Variants in MYBBP1A observed in about 807,000 individuals in gnomAD.
The protein encoded by MYBBP1A is myb-binding protein 1A.
Under a neutral mutation model 136.3 loss-of-function variants are expected in MYBBP1A, and 147 were observed. That is an observed-to-expected ratio of 1.08 (90% CI 0.94 to 1.24). MYBBP1A has a LOEUF of 1.24. MYBBP1A is among the 50% of genes most tolerant of loss of function. The pLI, the probability that MYBBP1A is intolerant of heterozygous loss-of-function variation, is 0.00. For synonymous variants in MYBBP1A, 947 were observed against 735.8 expected (o/e 1.29, Z -4.65); for missense variants, 2,060 against 1,727.4 (o/e 1.19, Z -3.41).
chr17:4,548,729 A>G lies in MYBBP1A; in HGVS notation c.1431-80T>C. Reference sequence around the variant, plus strand: ...CTCCCCTCCTTGGATGGTACCACCGAGGGTACAAGGCCAGGAGGAGGAGGA... The same window carrying G: ...CTCCCCTCCTTGGATGGTACCACCGGGGGTACAAGGCCAGGAGGAGGAGGA... On this transcript the variant is annotated intron_variant, in intron 10 of 25. Coordinates refer to ENST00000254718, the MANE Select transcript of MYBBP1A (RefSeq NM_014520.4). This position sits in a 1 kb window ranked among gnomAD's most constrained non-coding sequence, Gnocchi z 4.2. The G allele has an allele frequency of 6.3e-7, 1 of 1,583,802 alleles. No individual in the cohort carries two copies. Among genetic ancestry groups the G allele is most frequent in the Non-Finnish European group, 8.6e-7 (1 of 1,162,302 alleles).
At chr17:4,541,993 C>T in intron 22 of MYBBP1A, 102 bp from the exon 23 acceptor site, 4 of 849,302 alleles carry the variant, frequency 4.7e-6, no homozygotes, top group South Asian at 3.2e-5. Context: ...CTGCTGTGGG[C>T]AGCGTGTGAG....
chr17:4,539,046 G>C lies in MYBBP1A; in HGVS notation c.*369C>G. The C allele has an allele frequency of 1.0e-6, 1 of 992,214 alleles. No individual in the cohort carries two copies. The highest frequency in any genetic ancestry group is 1.7e-5 in the Admixed American group (1 of 57,658). 61.5% of individuals were successfully genotyped at this position (992,214 alleles called of 1,614,324 possible). A position where few individuals can be genotyped will look rare whatever the true frequency, so the allele number is the denominator to read the frequency against. ...AACCTATTTAAATCACCCCCTGGTG[G>C]CTCCCTCACAGCAAAAAAGCCTGGG... is the stretch of plus-strand genomic sequence containing the variant. On this transcript the variant is annotated 3_prime_UTR_variant, in exon 26 of 26. Transcript: ENST00000254718.
rs1447242695 is a variant in MYBBP1A, at chr17:4,552,747, G to A, written c.562-121C>T. On this transcript the variant is annotated intron_variant, in intron 5 of 25. Coordinates refer to ENST00000254718, the MANE Select transcript of MYBBP1A (RefSeq NM_014520.4). The surrounding 1 kb of genome is among the most constrained non-coding windows in gnomAD (Gnocchi z 4.7). ...GTATCAGAGTCATCAGAGGCCAGTT[G>A]CTAACAAAACTCAAATTCCCAGGCA... 1.6e-5 allele frequency: 15 copies of A among 910,692 alleles called. No individual in the cohort carries two copies. In the Admixed American group the frequency reaches 2.9e-4, roughly 18 times the overall value. 56.4% of individuals were successfully genotyped at this position (910,692 alleles called of 1,614,324 possible).
chr17:4,548,112 T>G lies in MYBBP1A; in HGVS notation c.1724+31A>C. The G allele has an allele frequency of 6.2e-7, 1 of 1,603,920 alleles. No individual in the cohort carries two copies. ...CTGCACCAGTCAGACTGCAGCGTCCTGCCCACCCCCTGGAAATCCCACGTG... is the reference window on the plus strand; with the variant it reads ...CTGCACCAGTCAGACTGCAGCGTCCGGCCCACCCCCTGGAAATCCCACGTG... On this transcript the variant is annotated intron_variant, in intron 12 of 25. Transcript: ENST00000254718. The surrounding 1 kb of genome is among the most constrained non-coding windows in gnomAD (Gnocchi z 4.2).
intron 8 of MYBBP1A, among the ~76,000 whole-genome samples, chr17:4,551,438 G>C (rs1396164596): frequency 6.6e-6 from 1 of 152,270 alleles, no homozygotes; most frequent in Non-Finnish European, 1.5e-5. Flanking sequence ...GCCAGGTACA[G>C]TGGCTCACGT....
rs146407072 is a variant in MYBBP1A at position 4,540,455 on chromosome 17, C to T, written c.3327G>A (p.Leu1109=). Residue 1109 remains leucine (L), a synonymous_variant, in exon 25 of 26, where the codon CTG becomes CTA. Coordinates refer to ENST00000254718, the MANE Select transcript of MYBBP1A (RefSeq NM_014520.4). Reference sequence around the variant, plus strand: ...TCTGCTGTTGCCCCTGCAGCACACCCAGGAGCACCGTCAGGTCCAAGGTCA... The same window carrying T: ...TCTGCTGTTGCCCCTGCAGCACACCTAGGAGCACCGTCAGGTCCAAGGTCA... ...EKLTLDLTVL[L]GVLQGQQQSL... 4 of 1,610,546 alleles carry T rather than the reference C, an allele frequency of 2.5e-6. No homozygotes were observed. Among genetic ancestry groups the T allele is most frequent in the South Asian group, 2.2e-5 (2 of 90,964 alleles).
chr17:4,544,994 C>CCG, intron 17 of MYBBP1A, 32 bp downstream of exon 17: 5 of 1,425,316 alleles, frequency 3.5e-6, no homozygotes, highest in Admixed American at 2.5e-5. Flanking sequence ...GAGCCCTCCC[C>CCG]GGCCGCCCCC....
At chr17:4,544,352 A>G (rs1597380592) in intron 19 of MYBBP1A, 137 bp downstream of exon 19, 3 of 1,120,306 alleles carry the variant, frequency 2.7e-6, no homozygotes, top group South Asian at 1.5e-5. Context: ...AGGGCTGAGC[A>G]GTGAGCCTGC....
intron 25 of MYBBP1A, 118 bp downstream of exon 25, chr17:4,540,230 C>CAGCATGCGTGTGCAGT: frequency 7.3e-7 from 1 of 1,371,552 alleles, no homozygotes; most frequent in Non-Finnish European, 9.8e-7. Flanking sequence ...GTGTGTGCAG[C>CAGCATGCGTGTGCAGT]AGCATGCGTG....
rs1317296271 is a variant in MYBBP1A at position 4,543,125 on chromosome 17, C to T, written c.2680G>A (p.Gly894Ser). ...CRARRYCHDL[G>S]ERAGALHAQV... ...GCGTGCAGGGCCCCTGCGCGCTCAC[C>T]CAAGTCGTGGCAGTAGCGCCGGGCA... Residue 894 changes from glycine (G) to serine (S), a missense_variant, in exon 20 of 26, where the codon GGT becomes AGT. Transcript: ENST00000254718. The T allele has an allele frequency of 1.9e-6, 3 of 1,611,298 alleles. No individual in the cohort carries two copies. Among genetic ancestry groups the T allele is most frequent in the East Asian group, 4.5e-5 (2 of 44,818 alleles).
intron 1 of MYBBP1A, 34 bp downstream of exon 1, chr17:4,555,093 T>C: frequency 6.4e-7 from 1 of 1,564,516 alleles, no homozygotes; most frequent in South Asian, 1.2e-5. Context: ...TGCCGGGATA[T>C]GCGCAGCCTC....
chr17:4,539,351 A>C lies in MYBBP1A; in HGVS notation c.*64T>G. The C allele has an allele frequency of 6.7e-7, 1 of 1,500,396 alleles. No homozygotes were observed. The highest frequency in any genetic ancestry group is 8.8e-7 in the Non-Finnish European group (1 of 1,131,926). 92.9% of individuals were successfully genotyped at this position (1,500,396 alleles called of 1,614,324 possible). A position where few individuals can be genotyped will look rare whatever the true frequency, so the allele number is the denominator to read the frequency against. On this transcript the variant is annotated 3_prime_UTR_variant, in exon 26 of 26. Transcript: ENST00000254718. The stretch of plus-strand genomic sequence containing the variant: ...CGTATTAAAATCATGGTTTAAAAAA[A>C]AAAAAAAAAAATAGGCGTCTCAGGC...
chr17:4,540,146 G>T (rs1041816947), intron 25 of MYBBP1A, among the ~76,000 whole-genome samples, 179 bp from the exon 26 acceptor site: 2 of 149,390 alleles, frequency 1.3e-5, no homozygotes, highest in East Asian at 3.9e-4. Context: ...GTCCTGCGAG[G>T]GTCCTGCGAG....
chr17:4,549,353 G>T lies in MYBBP1A; in HGVS notation c.1409C>A (p.Ala470Asp). Reference protein sequence around the residue: ...VDSLHLEMEEALTEQVARFCL... With the variant: ...VDSLHLEMEEDLTEQVARFCL... ...GCACCTGGCCACCTGCTCAGTCAAG[G>T]CCTCCTCCATCTCCAGGTGCAGGCT... The change falls in exon 10 of 26, where the codon GCC (alanine) becomes GAC (aspartate). Residue 470 changes from alanine to aspartate, a missense_variant. By Grantham distance (126) the Ala-to-Asp change is moderately radical. Coordinates refer to ENST00000254718, the MANE Select transcript of MYBBP1A (RefSeq NM_014520.4). 1 of 1,612,400 alleles carries T rather than the reference G, an allele frequency of 6.2e-7. No individual in the cohort carries two copies. The highest frequency in any genetic ancestry group is 8.5e-7 in the Non-Finnish European group (1 of 1,179,946).
intron 19 of MYBBP1A, among the ~76,000 whole-genome samples, chr17:4,544,097 C>T (rs1340260956): frequency 2.0e-5 from 3 of 152,188 alleles, no homozygotes; most frequent in South Asian, 2.1e-4. Context: ...ACTACACCTC[C>T]GAGGACTGGG....
Position 4,542,688 on chromosome 17 carries a change from C to T in MYBBP1A, c.2946G>A (p.Leu982=). ...NLVTRVYSTA[L]SSFLTKRNSP... is the part of the protein sequence containing the mutation. ...TGTTGCGCTTGGTCAGGAAGGAGCT[C>T]AGTGCTGTCGAGTACACCCGGGTCA... Residue 982 remains leucine (L), a synonymous_variant, in exon 21 of 26, where the codon CTG becomes CTA. Coordinates refer to ENST00000254718, the MANE Select transcript of MYBBP1A (RefSeq NM_014520.4). The T allele has an allele frequency of 6.2e-7, 1 of 1,614,036 alleles. No homozygotes were observed. Among genetic ancestry groups the T allele is most frequent in the Non-Finnish European group, 8.5e-7 (1 of 1,179,936 alleles).
In MYBBP1A at chr17:4,548,439, G is replaced by A. The variant is rs975943807; in HGVS notation, c.1556+85C>T. 5.0e-6 allele frequency: 8 copies of A among 1,609,030 alleles called. No homozygotes were observed. The highest frequency in any genetic ancestry group is 5.9e-6 in the Non-Finnish European group (7 of 1,177,078). ...TAGAACTCCGGGGGCCTCTGCCGTT[G>A]TTCCCAGCTTAGGGGACCTGGAGGG... is the stretch of plus-strand genomic sequence containing the variant. On this transcript the variant is annotated intron_variant, in intron 11 of 25. Transcript: ENST00000254718. The surrounding 1 kb of genome is among the most constrained non-coding windows in gnomAD (Gnocchi z 4.2).
intron 17 of MYBBP1A, 32 bp from the exon 18 acceptor site, chr17:4,544,953 C>T (rs376109456): frequency 1.3e-6 from 2 of 1,576,932 alleles, no homozygotes; most frequent in African/African-American, 1.3e-5. Flanking sequence ...GTCAGCCAGG[C>T]CTCGGGCAGG....
In MYBBP1A at chr17:4,545,089, G is replaced by GTCGCGCTCCTCCTCC. The variant is rs778254184; in HGVS notation, c.2232_2246dup (p.Glu744_Arg748dup). ...CCCGGAAGCCCTGATCCACGTCCCC[G>GTCGCGCTCCTCCTCC]TCGCGCTCCTCCTCCTCGCTCTCCT... is the stretch of plus-strand genomic sequence containing the variant. On this transcript the variant is annotated inframe_insertion, in exon 17 of 26. Transcript: ENST00000254718. 1 of 1,574,302 alleles carries GTCGCGCTCCTCCTCC rather than the reference G, an allele frequency of 6.4e-7. No individual in the cohort carries two copies. The highest frequency in any genetic ancestry group is 8.6e-7 in the Non-Finnish European group (1 of 1,162,278).
Sources: gnomAD v4.1 joint callset for allele counts (sites outside exome capture counted in the v4.1 genomes callset) on GRCh38, gnomAD v4.1.1 for gene constraint, Gnocchi (gnomAD v3.1) non-coding constraint, MANE v1.5 for transcripts, NCBI Gene and HGNC (gene_info 2026-07-23, HGNC 2026-07-21) for gene names.